The following SLF2 variants were observed in gnomAD, a reference collection of about 807,000 sequenced individuals.
SLF2 encodes the protein SMC5-SMC6 complex localization factor protein 2.
SLF2 carries 68 observed loss-of-function variants against 124.3 expected under a neutral mutation model. That is an observed-to-expected ratio of 0.55 (90% CI 0.45 to 0.67). The LOEUF is 0.67. Among genes scored for constraint, SLF2 ranks in the 30% least tolerant of loss-of-function variants. The pLI is 0.00. For synonymous variants in SLF2, 480 were observed against 478.8 expected (o/e 1.00, Z -0.03); for missense variants, 1,246 against 1,373.7 (o/e 0.91, Z 1.47).
chr10:100,936,832 A>G (rs760604121), intron 9 of SLF2, among the ~76,000 whole-genome samples: 1 of 151,256 alleles, frequency 6.6e-6, no homozygotes, highest in Non-Finnish European at 1.5e-5. Flanking sequence ...ATAGTTTCAA[A>G]TGTTATATTT....
At chr10:100,930,126 C>G (rs1042321320) in intron 8 of SLF2, 129 bp downstream of exon 8, 1 of 534,274 alleles carries the variant, frequency 1.9e-6, no homozygotes, top group African/African-American at 2.0e-5. Flanking sequence ...CCTCTTATTA[C>G]TATTGATCTT....
chr10:100,913,131 C>T lies in SLF2; in HGVS notation c.21C>T (p.Pro7=), dbSNP rs1354776350. The T allele has an allele frequency of 1.2e-6, 2 of 1,612,892 alleles. No homozygotes were observed. Among genetic ancestry groups the T allele is most frequent in the South Asian group, 1.1e-5 (1 of 91,000 alleles). ...CCGACATGACAAGGCGCTGCATGCCCGCTAGGCCAGGTTTCCCCTCATCCC... is the reference window on the plus strand; with the variant it reads ...CCGACATGACAAGGCGCTGCATGCCTGCTAGGCCAGGTTTCCCCTCATCCC... The part of the protein sequence containing the change: MTRRCM[P]ARPGFPSSPA... The change falls in exon 1 of 20, where the codon CCC becomes CCT. Residue 7 remains proline, a synonymous_variant. Transcript: ENST00000238961.
intron 7 of SLF2, 21 bp from the exon 8 acceptor site, chr10:100,929,809 T>TTGAC (rs769510400): frequency 1.3e-6 from 2 of 1,549,400 alleles, no homozygotes; most frequent in Non-Finnish European, 1.7e-6. Flanking sequence ...TTGGTATTGA[T>TTGAC]TGACTTTTTT....
chr10:100,946,991 T>C, intron 13 of SLF2, 48 bp from the exon 14 acceptor site: 1 of 1,443,808 alleles, frequency 6.9e-7, no homozygotes, highest in Non-Finnish European at 9.7e-7. Flanking sequence ...GGGTGTTTTA[T>C]TCTACTGTTC....
In SLF2 at chr10:100,929,376, C is replaced by T; in HGVS notation, c.2102C>T (p.Ser701Phe). ...EDIRQGRGIK[S>F]PIRIGEEDST... ...ATAAGGCAAGGCCGAGGCATTAAAT[C>T]CCCAATCAGAATTGGAGAAGAAGAC... Residue 701 changes from serine (S) to phenylalanine (F), a missense_variant, in exon 7 of 20, where the codon TCC (serine) becomes TTC (phenylalanine). By Grantham distance (155) the Ser-to-Phe change is radical. This residue lies in a region of SLF2 where 535 missense variants were observed against 632.8 expected (regional missense o/e 0.85). Transcript: ENST00000238961. The T allele has an allele frequency of 6.2e-7, 1 of 1,613,202 alleles. No homozygotes were observed. The highest frequency in any genetic ancestry group is 1.3e-5 in the African/African-American group (1 of 75,018).
intron 11 of SLF2, among the ~76,000 whole-genome samples, chr10:100,939,082 G>C (rs1040948162): frequency 2.0e-4 from 31 of 152,332 alleles, no homozygotes; most frequent in Non-Finnish European, 4.0e-4. Flanking sequence ...ATTATTTGTA[G>C]ATGTGAGTTA....
At chr10:100,948,606 G>C (rs1461597454) in intron 15 of SLF2, among the ~76,000 whole-genome samples, 1 of 152,154 alleles carries the variant, frequency 6.6e-6, no homozygotes, top group Non-Finnish European at 1.5e-5. Context: ...CCATAGGATG[G>C]GCACAGTGGC....
At chr10:100,942,408 G>T (rs759095362) in intron 11 of SLF2, among the ~76,000 whole-genome samples, 4 of 152,208 alleles carry the variant, frequency 2.6e-5, no homozygotes, top group African/African-American at 4.8e-5. Flanking sequence ...CTCAAGAACA[G>T]CCAAATGGAA....
At position 100,937,387 on chromosome 10, in the gene SLF2, C is replaced by A. The variant is rs1410783569; in HGVS notation, c.2437-15C>A. 6.3e-7 allele frequency: 1 copy of A among 1,589,806 alleles called. No individual in the cohort carries two copies. The highest frequency in any genetic ancestry group is 1.7e-5 in the Admixed American group (1 of 59,778). On this transcript the variant is annotated splice_polypyrimidine_tract_variant and intron_variant, in intron 9 of 19. Coordinates refer to ENST00000238961, the MANE Select transcript of SLF2 (RefSeq NM_018121.4). ...CTTTCTTCTTAATATCCTGTCATTT[C>A]TCTGCTTTTGACAGATGATGTCAGT...
At chr10:100,957,566 G>A (rs1287579733) in intron 18 of SLF2, among the ~76,000 whole-genome samples, 1 of 144,018 alleles carries the variant, frequency 6.9e-6, no homozygotes, top group African/African-American at 2.6e-5. Context: ...TCACTGTGTT[G>A]TCCAGGCTAG....
At chr10:100,947,719 A>G in intron 14 of SLF2, 41 bp from the exon 15 acceptor site, 1 of 1,395,826 alleles carries the variant, frequency 7.2e-7, no homozygotes, top group Non-Finnish European at 1.0e-6. Context: ...AAGCAGTATT[A>G]ATTAAAATAC....
chr10:100,938,044 C>T (rs1002922318), intron 10 of SLF2, among the ~76,000 whole-genome samples: 1 of 152,182 alleles, frequency 6.6e-6, no homozygotes, highest in African/African-American at 2.4e-5. Context: ...TCATGGCTTA[C>T]TTTGCTTGAT....
At chr10:100,959,720 T>C in intron 19 of SLF2, 1 of 711,598 alleles carries the variant, frequency 1.4e-6, no homozygotes. Context: ...TTAAAAATAT[T>C]GCATTGCATC....
At chr10:100,937,355 G>T in intron 9 of SLF2, 47 bp from the exon 10 acceptor site, 1 of 1,414,414 alleles carries the variant, frequency 7.1e-7, no homozygotes. Context: ...ATGAATGTTT[G>T]TGTTTTCTTT....
At position 100,929,138 on chromosome 10, in the gene SLF2, A is replaced by G. The variant is rs114787256; in HGVS notation, c.2043-179A>G. On this transcript the variant is annotated intron_variant, in intron 6 of 19. Transcript: ENST00000238961. Reference sequence around the variant, plus strand: ...TAGCACCTGAAATATATCTGTTTTCATGAAAATTGTACGTCGTGATGTATT... The same window carrying G: ...TAGCACCTGAAATATATCTGTTTTCGTGAAAATTGTACGTCGTGATGTATT... Among the ~76,000 whole-genome samples the G allele has an allele frequency of 2.6e-3, 391 of 152,348 alleles. 3 individuals carry two copies. The highest frequency in any genetic ancestry group is 9.1e-3 in the African/African-American group (379 of 41,580).
chr10:100,954,129 T>G (rs1255125710), intron 17 of SLF2, among the ~76,000 whole-genome samples: 2 of 151,056 alleles, frequency 1.3e-5, no homozygotes, highest in African/African-American at 4.9e-5. Flanking sequence ...TGGTGATGCA[T>G]GCCTGTAGTC....
At chr10:100,914,821 G>A (rs1849385898) in intron 1 of SLF2, among the ~76,000 whole-genome samples, 1 of 152,190 alleles carries the variant, frequency 6.6e-6, no homozygotes, top group Non-Finnish European at 1.5e-5. Flanking sequence ...CTCTTCTAAT[G>A]TGACCAGTAA....
intron 19 of SLF2, among the ~76,000 whole-genome samples, chr10:100,960,717 T>C (rs1850410939): frequency 1.3e-5 from 2 of 152,142 alleles, no homozygotes; most frequent in African/African-American, 4.8e-5. Context: ...AAATATTTTC[T>C]TCCATTCTGT....
In SLF2 at chr10:100,913,666, G is replaced by A. The variant is rs959196971; in HGVS notation, c.140+416G>A. ...TGGGTGAAATTATGTAACCTGTGAT[G>A]AGGGAATCCCTTCCACGAATTACTT... On this transcript the variant is annotated intron_variant, in intron 1 of 19. Transcript: ENST00000238961. 31 of 1,017,260 alleles carry A rather than the reference G, an allele frequency of 3.0e-5. No homozygotes were observed. In the African/African-American group the frequency reaches 5.1e-4, roughly 17 times the overall value. 63.0% of individuals were successfully genotyped at this position (1,017,260 alleles called of 1,614,324 possible). A position where few individuals can be genotyped will look rare whatever the true frequency, so the allele number is the denominator to read the frequency against.
Sources: allele counts gnomAD v4.1 joint callset (sites outside exome capture counted in the v4.1 genomes callset), GRCh38; gene constraint gnomAD v4.1.1; regional missense constraint gnomAD v4.1.1; transcripts MANE v1.5; gene names NCBI Gene and HGNC (gene_info 2026-07-23, HGNC 2026-07-21).